Variants in DBF4B observed in about 807,000 individuals in gnomAD.
DBF4B encodes DBF4B-CDC7 kinase regulatory subunit, also known as protein DBF4 homolog B.
Under a neutral mutation model 53.4 loss-of-function variants are expected in DBF4B, and 49 were observed. The observed-to-expected ratio is 0.92, with a 90% CI of 0.73 to 1.16. The LOEUF (loss-of-function observed/expected upper bound fraction) is 1.16, where lower values mean the gene tolerates loss of function less well. DBF4B is among the 50% of genes most tolerant of loss of function. The probability of loss-of-function intolerance (pLI) is 0.00; values close to 1 mark genes in which losing one functional copy is unlikely to be tolerated. For synonymous variants in DBF4B, 257 were observed against 288.7 expected (o/e 0.89, Z 1.11); for missense variants, 692 against 775.0 (o/e 0.89, Z 1.27).
Position 44,745,580 on chromosome 17 carries a change from C to T in DBF4B, c.831-1503C>T, listed in dbSNP as rs115845074. 4.5e-3 allele frequency among the ~76,000 whole-genome samples: 692 copies of T among 152,302 alleles called. 3 individuals carry two copies. Among genetic ancestry groups the T allele is most frequent in the African/African-American group, 0.016 (669 of 41,566 alleles). On this transcript the variant is annotated intron_variant, in intron 10 of 13. Transcript: ENST00000315005. ...ACAAAAGCATCACATCTCATGAGAA[C>T]TGTCACGAGAATAGCATGGGGGAAA...
chr17:44,731,928 G>T, intron 5 of DBF4B: 1 of 442,242 alleles, frequency 2.3e-6, no homozygotes, highest in Non-Finnish European at 4.1e-6. Context: ...TCCTGGTCAC[G>T]AGGTGGCCAG....
Position 44,751,032 on chromosome 17 carries a change from T to C in DBF4B, c.1627T>C (p.Tyr543His), listed in dbSNP as rs1244258065. The C allele has an allele frequency of 1.9e-6, 3 of 1,614,150 alleles. No homozygotes were observed. The highest frequency in any genetic ancestry group is 2.7e-5 in the African/African-American group (2 of 75,046). ...CCCTTGCCCCTGTCTCAGACTTGGA[T>C]ACCTTTACCTGCTGCTCACACAAAG... ...VSPCPCLRLG[Y>H]LYLLLTQSLW... The change falls in exon 14 of 14, where the codon TAC (tyrosine) becomes CAC (histidine). Residue 543 changes from tyrosine to histidine, a missense_variant. Coordinates refer to ENST00000315005, the MANE Select transcript of DBF4B (RefSeq NM_145663.3).
chr17:44,721,489 G>A (rs769528730), intron 2 of DBF4B, among the ~76,000 whole-genome samples: 1 of 152,108 alleles, frequency 6.6e-6, no homozygotes, highest in African/African-American at 2.4e-5. Context: ...AGAGTGCTGG[G>A]ATTACAGGTA....
chr17:44,729,683 T>TACACACACAC lies in DBF4B; in HGVS notation c.226-187_226-178dup, dbSNP rs71361592. Among the ~76,000 whole-genome samples, 996 of 138,166 alleles carry TACACACACAC rather than the reference T, an allele frequency of 7.2e-3. 4 individuals carry two copies. Among genetic ancestry groups the TACACACACAC allele is most frequent in the Middle Eastern group, 0.022 (6 of 268 alleles). The allele number at this position is 138,166 out of a possible 152,430, so 90.6% of individuals were successfully genotyped here. Reference sequence around the variant, plus strand: ...CTGTAGACAAAACCTGTAATACACATACACACACACACACACACACACACA... The same window carrying TACACACACAC: ...CTGTAGACAAAACCTGTAATACACATACACACACACACACACACACACACACACACACACA... On this transcript the variant is annotated intron_variant, in intron 3 of 13. Transcript: ENST00000315005.
At chr17:44,713,614 A>C (rs1973092099) in intron 2 of DBF4B, among the ~76,000 whole-genome samples, 1 of 152,076 alleles carries the variant, frequency 6.6e-6, no homozygotes, top group African/African-American at 2.4e-5. Context: ...ATGCCGCTGC[A>C]CTCCAGCTTG....
chr17:44,738,494 T>C (rs1203048080), intron 9 of DBF4B, 70 bp downstream of exon 9: 1 of 1,509,728 alleles, frequency 6.6e-7, no homozygotes, highest in Non-Finnish European at 9.0e-7. Flanking sequence ...GGAGGGGTGC[T>C]CAGGGGCCTC....
chr17:44,719,048 CCTCCAA>C (rs1568164345), intron 2 of DBF4B: 1 of 151,364 alleles, frequency 6.6e-6, no homozygotes, highest in South Asian at 2.1e-4. Flanking sequence ...CTCACTGAAA[CCTCCAA>C]CTCCCTGGCT....
intron 2 of DBF4B, among the ~76,000 whole-genome samples, chr17:44,715,465 G>A (rs1389898317): frequency 6.6e-6 from 1 of 152,066 alleles, no homozygotes; most frequent in Non-Finnish European, 1.5e-5. Context: ...CCAAAGTGCT[G>A]GGATTACAGG....
intron 3 of DBF4B, among the ~76,000 whole-genome samples, chr17:44,725,057 G>A (rs954162754): frequency 3.3e-5 from 5 of 150,950 alleles, no homozygotes; most frequent in Admixed American, 6.6e-5. Flanking sequence ...CAGAGGTTGC[G>A]GTGAGTCGAG....
chr17:44,735,791 G>C (rs1160648136), intron 7 of DBF4B, among the ~76,000 whole-genome samples: 1 of 152,150 alleles, frequency 6.6e-6, no homozygotes, highest in African/African-American at 2.4e-5. Context: ...CCAAGGTGTG[G>C]CCTAGAGGAG....
At chr17:44,736,918 A>C in intron 8 of DBF4B, 52 bp downstream of exon 8, 1 of 1,593,790 alleles carries the variant, frequency 6.3e-7, no homozygotes, top group Non-Finnish European at 8.6e-7. Context: ...CTCCCTAAAC[A>C]CTTCCCCACG....
chr17:44,752,119 G>A lies in DBF4B; in HGVS notation c.*866G>A. 1.1e-6 allele frequency: 1 copy of A among 919,474 alleles called. No homozygotes were observed. The highest frequency in any genetic ancestry group is 1.4e-5 in the South Asian group (1 of 68,972). 57.0% of individuals were successfully genotyped at this position (919,474 alleles called of 1,614,324 possible). A position where few individuals can be genotyped will look rare whatever the true frequency, so the allele number is the denominator to read the frequency against. ...CACCCCAACTCCCTTCTGCTGGGTGGAATGCAGGAGCTAGCTGCCTCCAAC... is the reference window on the plus strand; with the variant it reads ...CACCCCAACTCCCTTCTGCTGGGTGAAATGCAGGAGCTAGCTGCCTCCAAC... On this transcript the variant is annotated 3_prime_UTR_variant, in exon 14 of 14. Transcript: ENST00000315005.
intron 2 of DBF4B, among the ~76,000 whole-genome samples, chr17:44,721,570 C>T (rs954741724): frequency 6.6e-6 from 1 of 152,080 alleles, no homozygotes; most frequent in South Asian, 2.1e-4. Context: ...TGTATCCTCC[C>T]TAGCCTTTTT....
intron 5 of DBF4B, chr17:44,731,889 G>A (rs1023819594): frequency 1.5e-5 from 5 of 332,566 alleles, no homozygotes; most frequent in African/African-American, 4.2e-5. Flanking sequence ...CCCTCCCAAC[G>A]AACAGCTCTC....
At chr17:44,734,234 C>A in intron 7 of DBF4B, 71 bp downstream of exon 7, 1 of 1,580,308 alleles carries the variant, frequency 6.3e-7, no homozygotes, top group Non-Finnish European at 8.7e-7. Flanking sequence ...TTAGGTAAAT[C>A]CATGGCCCAC....
intron 3 of DBF4B, 115 bp from the exon 4 acceptor site, chr17:44,729,790 T>G: frequency 8.9e-7 from 1 of 1,119,956 alleles, no homozygotes; most frequent in Non-Finnish European, 1.3e-6. Context: ...TTAGTCTATT[T>G]AAAGACATTG....
Position 44,751,851 on chromosome 17 carries a change from C to A in DBF4B, c.*598C>A. 1 of 1,535,674 alleles carries A rather than the reference C, an allele frequency of 6.5e-7. No homozygotes were observed. Among genetic ancestry groups the A allele is most frequent in the South Asian group, 1.2e-5 (1 of 84,038 alleles). On this transcript the variant is annotated 3_prime_UTR_variant, in exon 14 of 14. Transcript: ENST00000315005. Reference sequence around the variant, plus strand: ...TTTCTTTCCTCCTTGAAGCCTGGCTCCCTTGGTCGCAGCAGCCCCTCAGTG... The same window carrying A: ...TTTCTTTCCTCCTTGAAGCCTGGCTACCTTGGTCGCAGCAGCCCCTCAGTG...
rs541355907 is a variant in DBF4B, at chr17:44,722,833, ACT to A, written c.83-42_83-41del. 467 of 1,607,524 alleles carry A rather than the reference ACT, an allele frequency of 2.9e-4. 1 individual carries two copies. The African/African-American group carries it at 5.2e-3, about 18-fold the overall frequency. ...TCAGTGAGGGCCACCTGGCTTCAGG[ACT>A]CTCTTTTCAAACTTCTTACTTTGCT... On this transcript the variant is annotated intron_variant, in intron 2 of 13. Transcript: ENST00000315005.
chr17:44,709,376 A>G lies in DBF4B; in HGVS notation c.82+10A>G. On this transcript the variant is annotated intron_variant, in intron 2 of 13. Transcript: ENST00000315005. ...CGGGCCCCGGACCTAGGTGGGTAAC[A>G]GGACAGAACTAGGGACGTGAGGTGA... 2 of 1,614,156 alleles carry G rather than the reference A, an allele frequency of 1.2e-6. No individual in the cohort carries two copies. Among genetic ancestry groups the G allele is most frequent in the Non-Finnish European group, 1.7e-6 (2 of 1,180,010 alleles).
Sources: allele counts gnomAD v4.1 joint callset (sites outside exome capture counted in the v4.1 genomes callset), GRCh38; gene constraint gnomAD v4.1.1; transcripts MANE v1.5; gene names NCBI Gene and HGNC (gene_info 2026-07-23, HGNC 2026-07-21).